ABI3BP: variants seen among roughly 807,000 people sequenced by gnomAD.
ABI3BP encodes the protein ABI family member 3 binding protein, also known as target of Nesh-SH3.
In ABI3BP, 216 loss-of-function variants were observed where a neutral mutation model predicts 268.6. The observed-to-expected ratio is 0.80, with a 90% CI of 0.72 to 0.90. ABI3BP has a LOEUF of 0.90. ABI3BP is among the 40% of genes least tolerant of loss of function. The probability of loss-of-function intolerance (pLI) is 0.00; values close to 1 mark genes in which losing one functional copy is unlikely to be tolerated. For synonymous variants in ABI3BP, 730 were observed against 730.0 expected (o/e 1.00, Z 0.00); for missense variants, 2,090 against 2,182.4 (o/e 0.96, Z 0.84).
intron 1 of ABI3BP, among the ~76,000 whole-genome samples, chr3:100,956,006 A>T (rs1341632876): frequency 1.3e-5 from 2 of 151,900 alleles, no homozygotes; most frequent in African/African-American, 4.8e-5. Flanking sequence ...TGCCCAACAT[A>T]GTGAAACCCT....
chr3:100,881,774 G>T (rs1440508290), intron 6 of ABI3BP, among the ~76,000 whole-genome samples: 1 of 151,882 alleles, frequency 6.6e-6, no homozygotes, highest in Admixed American at 6.6e-5. Context: ...TCACAGTTTT[G>T]TTTCTGCATA....
At chr3:100,930,353 T>C (rs897215057) in intron 1 of ABI3BP, among the ~76,000 whole-genome samples, 2 of 151,982 alleles carry the variant, frequency 1.3e-5, no homozygotes, top group East Asian at 3.9e-4. Context: ...GTAACACTAG[T>C]AGGCCTTAGA....
chr3:100,818,708 G>C, intron 40 of ABI3BP, 127 bp from the exon 41 acceptor site: 1 of 801,730 alleles, frequency 1.2e-6, no homozygotes, highest in Non-Finnish European at 2.0e-6. Flanking sequence ...GTTATTTGAA[G>C]ACTTGGCCAT....
chr3:100,771,390 T>C (rs1330077388), intron 61 of ABI3BP, among the ~76,000 whole-genome samples: 2 of 151,300 alleles, frequency 1.3e-5, no homozygotes, highest in Non-Finnish European at 2.9e-5. Context: ...AATCTAGGAA[T>C]AATTAAAAAA....
chr3:100,983,887 A>T (rs1329397559), intron 1 of ABI3BP, among the ~76,000 whole-genome samples: 1 of 152,214 alleles, frequency 6.6e-6, no homozygotes, highest in African/African-American at 2.4e-5. Context: ...CTTATTTTAT[A>T]TAGCTTCAGG....
At chr3:100,821,887 C>T (rs2098241118) in intron 38 of ABI3BP, among the ~76,000 whole-genome samples, 1 of 152,054 alleles carries the variant, frequency 6.6e-6, no homozygotes, top group Admixed American at 6.6e-5. Context: ...AGGTGTGAGC[C>T]ACTGCGCCCA....
At chr3:100,776,619 T>A (rs1004223046) in intron 59 of ABI3BP, among the ~76,000 whole-genome samples, 1 of 152,142 alleles carries the variant, frequency 6.6e-6, no homozygotes, top group African/African-American at 2.4e-5. Context: ...TCTGTGATGC[T>A]AATCAGGCCA....
In ABI3BP at chr3:100,838,143, G is replaced by A. The variant is rs557759456; in HGVS notation, c.2083+67C>T. On this transcript the variant is annotated intron_variant, in intron 26 of 67. Transcript: ENST00000471714. ...TATGATTTATATGATATGACAGATTGGAAACATTTTCAGCAATGTTTCCAA... is the reference window on the plus strand; with the variant it reads ...TATGATTTATATGATATGACAGATTAGAAACATTTTCAGCAATGTTTCCAA... The A allele has an allele frequency of 4.6e-4, 663 of 1,436,880 alleles. 9 individuals are homozygous for A. The South Asian group carries it at 5.3e-3, about 11-fold the overall frequency. 89.0% of individuals were successfully genotyped at this position (1,436,880 alleles called of 1,614,324 possible).
chr3:100,770,656 T>C (rs1337167463), intron 62 of ABI3BP, 87 bp downstream of exon 62: 1 of 1,279,430 alleles, frequency 7.8e-7, no homozygotes, highest in Non-Finnish European at 1.0e-6. Flanking sequence ...ATGCTTCACA[T>C]GTCAACGTTG....
intron 1 of ABI3BP, among the ~76,000 whole-genome samples, chr3:100,954,858 G>C (rs1228142761): frequency 6.6e-6 from 1 of 151,522 alleles, no homozygotes; most frequent in African/African-American, 2.4e-5. Context: ...AGACATAAAA[G>C]CATACATGGA....
Position 100,926,243 on chromosome 3 carries a change from G to A in ABI3BP, c.259+59C>T, listed in dbSNP as rs1029022661. The A allele has an allele frequency of 3.2e-6, 5 of 1,556,750 alleles. No homozygotes were observed. The South Asian group carries it at 3.4e-5, about 11-fold the overall frequency. The stretch of plus-strand genomic sequence containing the variant: ...CTTGACATCAAGATTTGTAGGTCAT[G>A]TTACACCCCCCCACCTCTTACCTCC... On this transcript the variant is annotated intron_variant, in intron 2 of 67. Transcript: ENST00000471714.
intron 1 of ABI3BP, among the ~76,000 whole-genome samples, chr3:100,930,160 T>A (rs1421305485): frequency 2.0e-5 from 3 of 151,962 alleles, no homozygotes; most frequent in African/African-American, 4.8e-5. Flanking sequence ...TAATACCACA[T>A]GATACAAGCT....
intron 44 of ABI3BP, 116 bp downstream of exon 44, chr3:100,815,796 T>C: frequency 1.5e-6 from 1 of 658,824 alleles, no homozygotes; most frequent in East Asian, 2.9e-5. Context: ...TAAAATGAAG[T>C]GTAGAATGGA....
intron 53 of ABI3BP, among the ~76,000 whole-genome samples, chr3:100,795,432 A>C (rs149436093): frequency 1.6e-4 from 24 of 152,068 alleles, no homozygotes; most frequent in Non-Finnish European, 2.5e-4. Context: ...TATTTTGACC[A>C]ATATTGATAA....
chr3:100,886,782 A>G (rs1159309882), intron 4 of ABI3BP, among the ~76,000 whole-genome samples: 1 of 151,942 alleles, frequency 6.6e-6, no homozygotes, highest in Non-Finnish European at 1.5e-5. Context: ...ATTTTGTAAA[A>G]AAAAGAACCT....
chr3:100,807,286 A>G (rs2097737809), intron 50 of ABI3BP, among the ~76,000 whole-genome samples: 1 of 151,852 alleles, frequency 6.6e-6, no homozygotes, highest in Admixed American at 6.6e-5. Context: ...CCTATTCATT[A>G]TTATTCACTA....
At chr3:100,924,068 G>A (rs181553324) in intron 2 of ABI3BP, among the ~76,000 whole-genome samples, 20 of 152,102 alleles carry the variant, frequency 1.3e-4, no homozygotes, top group South Asian at 4.2e-4. Context: ...TTACATCTTC[G>A]TAGGAAATAC....
At chr3:100,941,490 G>A (rs965877714) in intron 1 of ABI3BP, among the ~76,000 whole-genome samples, 2 of 152,060 alleles carry the variant, frequency 1.3e-5, no homozygotes, top group Non-Finnish European at 2.9e-5. Flanking sequence ...AAAGTCCAAG[G>A]GGGAAAATCT....
Position 100,749,194 on chromosome 3 carries a change from G to T in ABI3BP, c.*1301C>A. 1 of 160,634 alleles carries T rather than the reference G, an allele frequency of 6.2e-6. No individual in the cohort carries two copies. The highest frequency in any genetic ancestry group is 1.4e-5 in the Non-Finnish European group (1 of 73,856). 10.0% of individuals were successfully genotyped at this position (160,634 alleles called of 1,614,324 possible). A position where few individuals can be genotyped will look rare whatever the true frequency, so the allele number is the denominator to read the frequency against. ...AACTTTATTACTTCATAGGATGAAA[G>T]GTTAATTTAGGACATAAACAAACAG... On this transcript the variant is annotated 3_prime_UTR_variant, in exon 68 of 68. Coordinates refer to ENST00000471714, the MANE Select transcript of ABI3BP (RefSeq NM_001375547.2).
Sources: gnomAD v4.1 joint callset for allele counts (sites outside exome capture counted in the v4.1 genomes callset) on GRCh38, gnomAD v4.1.1 for gene constraint, MANE v1.5 for transcripts, NCBI Gene and HGNC (gene_info 2026-07-23, HGNC 2026-07-21) for gene names.